Variants in HELZ observed in about 807,000 individuals in gnomAD.
The protein encoded by HELZ is helicase with zinc finger.
HELZ carries 23 observed loss-of-function variants against 218.2 expected under a neutral mutation model. The observed-to-expected ratio is 0.11, with a 90% confidence interval of 0.08 to 0.15. HELZ has a LOEUF of 0.15. Ranked by LOEUF, HELZ falls within the 10% of genes least tolerant of loss-of-function variation. HELZ has a pLI of 1.00. For synonymous variants in HELZ, 814 were observed against 829.4 expected (o/e 0.98, Z 0.32); for missense variants, 1,813 against 2,353.7 (o/e 0.77, Z 4.75).
intron 13 of HELZ, among the ~76,000 whole-genome samples, 153 bp from the exon 14 acceptor site, chr17:67,167,949 C>G (rs1174548301): frequency 6.6e-6 from 1 of 151,896 alleles, no homozygotes; most frequent in Non-Finnish European, 1.5e-5. Flanking sequence ...TATTTTTCTG[C>G]CTTTAATACA....
rs1426472933 is a variant in HELZ at position 67,245,144 on chromosome 17, T to C, written c.-132+4A>G. 4.1e-6 allele frequency: 4 copies of C among 984,848 alleles called. No individual in the cohort carries two copies. Among genetic ancestry groups the C allele is most frequent in the Non-Finnish European group, 4.8e-6 (4 of 829,840 alleles). 61.0% of individuals were successfully genotyped at this position (984,848 alleles called of 1,614,324 possible). ...GAGCAGAGAAGGGGGAAGTCAGGACTTACCTGTCATTACTTTCTACGCCAT... is the reference window on the plus strand; with the variant it reads ...GAGCAGAGAAGGGGGAAGTCAGGACCTACCTGTCATTACTTTCTACGCCAT... On this transcript the variant is annotated splice_donor_region_variant and intron_variant, in intron 1 of 32. Transcript: ENST00000358691.
At chr17:67,171,011 G>T (rs142477321) in intron 13 of HELZ, among the ~76,000 whole-genome samples, 70 of 150,850 alleles carry the variant, frequency 4.6e-4, no homozygotes, top group Non-Finnish European at 7.5e-4. Context: ...ATAGCAAAAA[G>T]AATCTTTTTG....
intron 15 of HELZ, among the ~76,000 whole-genome samples, chr17:67,164,130 T>C (rs1273167586): frequency 1.3e-5 from 2 of 152,188 alleles, no homozygotes; most frequent in Non-Finnish European, 2.9e-5. Context: ...AAAACCCTGT[T>C]GGTATTCAAA....
At chr17:67,098,969 A>G (rs949991303) in intron 31 of HELZ, among the ~76,000 whole-genome samples, 5 of 152,190 alleles carry the variant, frequency 3.3e-5, no homozygotes, top group African/African-American at 9.7e-5. Context: ...CTTCCTATAC[A>G]GTAAAGGCCC....
intron 2 of HELZ, among the ~76,000 whole-genome samples, chr17:67,242,425 AAAG>A (rs1238045208): frequency 2.0e-5 from 3 of 150,684 alleles, no homozygotes; most frequent in Non-Finnish European, 4.4e-5. Flanking sequence ...AAAAAAAAAA[AAAG>A]AAAAAAAATC....
At chr17:67,184,832 T>C (rs1359694731) in intron 12 of HELZ, among the ~76,000 whole-genome samples, 4 of 151,576 alleles carry the variant, frequency 2.6e-5, no homozygotes, top group Admixed American at 6.6e-5. Flanking sequence ...AATAAATAAA[T>C]AAATAAATAA....
intron 23 of HELZ, among the ~76,000 whole-genome samples, chr17:67,133,582 C>T (rs938438841): frequency 1.3e-5 from 2 of 152,016 alleles, no homozygotes; most frequent in African/African-American, 4.8e-5. Context: ...AGTACAGTGG[C>T]GTGATCACTA....
intron 12 of HELZ, among the ~76,000 whole-genome samples, chr17:67,187,837 A>G (rs2039797405): frequency 6.6e-6 from 1 of 152,208 alleles, no homozygotes; most frequent in African/African-American, 2.4e-5. Context: ...TGGCCTCCTT[A>G]ACACTAGTGG....
chr17:67,161,783 C>T (rs1273159072), intron 15 of HELZ, among the ~76,000 whole-genome samples: 1 of 152,180 alleles, frequency 6.6e-6, no homozygotes, highest in Non-Finnish European at 1.5e-5. Context: ...ATCTATCTTA[C>T]TAGTGTCCCT....
intron 12 of HELZ, chr17:67,179,739 TA>T (rs2039555933): frequency 6.6e-6 from 1 of 151,400 alleles, no homozygotes; most frequent in South Asian, 2.1e-4. Context: ...AAAGAAAACT[TA>T]ACCAAAAGAA....
At chr17:67,125,345 T>TACACAC (rs1376253891) in intron 24 of HELZ, among the ~76,000 whole-genome samples, 10 of 76,070 alleles carry the variant, frequency 1.3e-4, no homozygotes, top group African/African-American at 5.3e-4. Context: ...TATATATATA[T>TACACAC]ACTTGTGAGG....
chr17:67,199,694 T>C (rs1278949959), intron 7 of HELZ, among the ~76,000 whole-genome samples: 1 of 152,224 alleles, frequency 6.6e-6, no homozygotes. Flanking sequence ...GCAAAACAGT[T>C]ATTTTTTCCA....
In HELZ at chr17:67,244,764, C is replaced by A. The variant is rs999917604; in HGVS notation, c.-132+384G>T. 7 of 985,190 alleles carry A rather than the reference C, an allele frequency of 7.1e-6. 1 individual carries two copies. Among genetic ancestry groups the A allele is most frequent in the Middle Eastern group, 5.2e-4 (1 of 1,916 alleles). 61.0% of individuals were successfully genotyped at this position (985,190 alleles called of 1,614,324 possible). A position where few individuals can be genotyped will look rare whatever the true frequency, so the allele number is the denominator to read the frequency against. On this transcript the variant is annotated intron_variant, in intron 1 of 32. Transcript: ENST00000358691. ...GGGAGGCCCGCACGCTCCCCACCCC[C>A]AGCCGCGACCCGGAGGAGGGGAACG...
Position 67,128,670 on chromosome 17 carries a change from T to C in HELZ, c.3368A>G (p.Gln1123Arg). ...CTTTACCTTGGGTGGTGATTGCTGC[T>C]GTTTGTTGGTACTTCCTGAATGCTG... ...RLQHSGSTNKQQQSPPKGKSL... is the reference protein window; with the variant it reads ...RLQHSGSTNKRQQSPPKGKSL... The change falls in exon 24 of 33, where the codon CAG becomes CGG. Residue 1123 changes from glutamine to arginine, a missense_variant. Gln to Arg is a conservative substitution (Grantham distance 43, BLOSUM62 1). Coordinates refer to ENST00000358691, the MANE Select transcript of HELZ (RefSeq NM_014877.4). 6.2e-7 allele frequency: 1 copy of C among 1,614,138 alleles called. No homozygotes were observed. Among genetic ancestry groups the C allele is most frequent in the Non-Finnish European group, 8.5e-7 (1 of 1,179,976 alleles).
intron 32 of HELZ, among the ~76,000 whole-genome samples, 190 bp downstream of exon 32, chr17:67,086,636 ATAT>A (rs533337438): frequency 8.9e-6 from 1 of 111,872 alleles, no homozygotes; most frequent in Non-Finnish European, 1.9e-5. Context: ...ATATAAATAT[ATAT>A]ATATATATAT....
At chr17:67,133,861 G>A (rs973748689) in intron 23 of HELZ, among the ~76,000 whole-genome samples, 1 of 152,094 alleles carries the variant, frequency 6.6e-6, no homozygotes, top group African/African-American at 2.4e-5. Flanking sequence ...GTTTCTAGTT[G>A]TTTTCAACAT....
chr17:67,100,033 C>T (rs922452343), intron 31 of HELZ, among the ~76,000 whole-genome samples: 1 of 152,084 alleles, frequency 6.6e-6, no homozygotes, highest in Non-Finnish European at 1.5e-5. Context: ...GAGAAGACAG[C>T]AATATTTCTA....
chr17:67,104,197 G>A (rs757276684), intron 31 of HELZ, among the ~76,000 whole-genome samples: 1 of 152,154 alleles, frequency 6.6e-6, no homozygotes, highest in Non-Finnish European at 1.5e-5. Context: ...CACTTTGGGA[G>A]GCCGAGGCGA....
chr17:67,098,209 A>C (rs976255802), intron 31 of HELZ, among the ~76,000 whole-genome samples: 1 of 152,218 alleles, frequency 6.6e-6, no homozygotes, highest in East Asian at 1.9e-4. Flanking sequence ...AGAGATCTGA[A>C]GAGCAGTGTG....
Sources: allele counts gnomAD v4.1 joint callset (sites outside exome capture counted in the v4.1 genomes callset), GRCh38; gene constraint gnomAD v4.1.1; transcripts MANE v1.5; gene names NCBI Gene and HGNC (gene_info 2026-07-23, HGNC 2026-07-21).